Variants in LRFN5 observed in about 807,000 individuals in gnomAD.
LRFN5 encodes the protein leucine-rich repeat and fibronectin type-III domain-containing protein 5.
In LRFN5, 24 loss-of-function variants were observed where a neutral mutation model predicts 45.6. That is an observed-to-expected ratio of 0.53 (90% confidence interval 0.38 to 0.74). The LOEUF (loss-of-function observed/expected upper bound fraction) is 0.74. LRFN5 is among the 30% of genes least tolerant of loss of function. The pLI, the probability that LRFN5 is intolerant of heterozygous loss-of-function variation, is 0.00. For missense variants in LRFN5, 776 were observed against 861.5 expected, an observed-to-expected ratio of 0.90 and a Z score of 1.24; for synonymous variants, 340 against 313.8, an observed-to-expected ratio of 1.08 and a Z score of -0.88.
At chr14:41,730,027 G>A (rs1884100624) in intron 1 of LRFN5, among the ~76,000 whole-genome samples, 1 of 151,924 alleles carries the variant, frequency 6.6e-6, no homozygotes, top group African/African-American at 2.4e-5. Context: ...AACATTAGAA[G>A]TAATGTTCTG....
chr14:41,613,115 A>G (rs1056863484), intron 1 of LRFN5, among the ~76,000 whole-genome samples: 3 of 152,142 alleles, frequency 2.0e-5, no homozygotes, highest in African/African-American at 7.2e-5. Flanking sequence ...AAACCACATG[A>G]AAAGGATTTA....
chr14:41,860,301 T>C (rs1889615870), intron 2 of LRFN5, among the ~76,000 whole-genome samples: 2 of 152,194 alleles, frequency 1.3e-5, no homozygotes, highest in Admixed American at 1.3e-4. Flanking sequence ...ATTTGCTTTA[T>C]TTATAAGATA....
Position 41,904,428 on chromosome 14 carries a change from AG to A in LRFN5, c.*254del. Reference sequence around the variant, plus strand: ...TATTTTTTTTTTAAAAAAGAAAAAAAGCCTACATTGGCATCAAGTTCTGTAT... The same window carrying A: ...TATTTTTTTTTTAAAAAAGAAAAAAACCTACATTGGCATCAAGTTCTGTAT... On this transcript the variant is annotated 3_prime_UTR_variant, in exon 6 of 6. Coordinates refer to ENST00000298119, the MANE Select transcript of LRFN5 (RefSeq NM_152447.5). The A allele has an allele frequency of 2.3e-6, 1 of 426,998 alleles. No homozygotes were observed. The highest frequency in any genetic ancestry group is 4.1e-6 in the Non-Finnish European group (1 of 242,554). The allele number at this position is 426,998 out of a possible 1,614,324, so 26.5% of individuals were successfully genotyped here. A position where few individuals can be genotyped will look rare whatever the true frequency, so the allele number is the denominator to read the frequency against.
At chr14:41,684,453 C>T (rs948423226) in intron 1 of LRFN5, among the ~76,000 whole-genome samples, 2 of 152,114 alleles carry the variant, frequency 1.3e-5, no homozygotes, top group African/African-American at 4.8e-5. Flanking sequence ...AGAATGAACA[C>T]AGGAGGAACT....
rs1329957162 is a variant in LRFN5 at position 41,708,749 on chromosome 14, AT to A, written c.-196-58102del. Among the ~76,000 whole-genome samples, 21 of 148,164 alleles carry A rather than the reference AT, an allele frequency of 1.4e-4. No homozygotes were observed. The East Asian group carries it at 4.2e-3, about 30-fold the overall frequency. On this transcript the variant is annotated intron_variant, in intron 1 of 5. Transcript: ENST00000298119. ...TTTTTTACGTTTTGTTATTGATTGT[AT>A]TTCCTGTGGACTAGTAGCTAGATAC...
At chr14:41,635,449 A>C (rs1004823906) in intron 1 of LRFN5, among the ~76,000 whole-genome samples, 6 of 152,176 alleles carry the variant, frequency 3.9e-5, no homozygotes, top group Non-Finnish European at 8.8e-5. Context: ...AAGTTAATAC[A>C]TGTAGTCAAA....
chr14:41,784,198 G>A (rs1019490683), intron 2 of LRFN5, among the ~76,000 whole-genome samples: 3 of 151,942 alleles, frequency 2.0e-5, no homozygotes, highest in Non-Finnish European at 4.4e-5. Context: ...TCAGAGTATA[G>A]CAGTGAAGTG....
intron 1 of LRFN5, among the ~76,000 whole-genome samples, chr14:41,722,907 C>A (rs1175725114): frequency 6.6e-6 from 1 of 152,178 alleles, no homozygotes; most frequent in Admixed American, 6.5e-5. Flanking sequence ...CCTACAGTTT[C>A]CCTGCTGGCA....
At chr14:41,713,245 G>C (rs886277843) in intron 1 of LRFN5, among the ~76,000 whole-genome samples, 2 of 152,040 alleles carry the variant, frequency 1.3e-5, no homozygotes, top group Non-Finnish European at 2.9e-5. Flanking sequence ...CAGTCTGTTA[G>C]TAATTTCAAA....
chr14:41,639,076 C>T (rs1879440067), intron 1 of LRFN5, among the ~76,000 whole-genome samples: 2 of 151,994 alleles, frequency 1.3e-5, no homozygotes, highest in Middle Eastern at 3.4e-3. Flanking sequence ...AGAAATGGAG[C>T]TAGAGTCTTA....
intron 2 of LRFN5, among the ~76,000 whole-genome samples, chr14:41,848,380 GA>G (rs1178188933): frequency 6.6e-6 from 1 of 151,834 alleles, no homozygotes; most frequent in Non-Finnish European, 1.5e-5. Context: ...ACAGGAAAAA[GA>G]AAAAAGTAAA....
At chr14:41,802,628 G>T (rs1440535342) in intron 2 of LRFN5, among the ~76,000 whole-genome samples, 1 of 152,136 alleles carries the variant, frequency 6.6e-6, no homozygotes, top group Admixed American at 6.6e-5. Context: ...AATTTTCTTA[G>T]CCCAGAGTTT....
At chr14:41,788,438 A>G (rs1315095107) in intron 2 of LRFN5, among the ~76,000 whole-genome samples, 1 of 152,126 alleles carries the variant, frequency 6.6e-6, no homozygotes, top group Non-Finnish European at 1.5e-5. Flanking sequence ...GTGAGGCCAG[A>G]TATGGCGTAA....
At chr14:41,725,754 T>C (rs1415039006) in intron 1 of LRFN5, among the ~76,000 whole-genome samples, 1 of 152,184 alleles carries the variant, frequency 6.6e-6, no homozygotes, top group Admixed American at 6.5e-5. Context: ...TCATGAAGTC[T>C]TTTAAGATCT....
At chr14:41,695,348 T>C (rs1016819415) in intron 1 of LRFN5, among the ~76,000 whole-genome samples, 18 of 151,994 alleles carry the variant, frequency 1.2e-4, no homozygotes, top group African/African-American at 4.3e-4. Context: ...CAACAAGTTA[T>C]GCAGAAGACC....
intron 1 of LRFN5, among the ~76,000 whole-genome samples, chr14:41,617,098 C>A (rs1887952393): frequency 6.6e-6 from 1 of 152,080 alleles, no homozygotes; most frequent in South Asian, 2.1e-4. Context: ...AAGGCTTCAT[C>A]CTCTGGGACA....
At chr14:41,635,150 G>T (rs1238258860) in intron 1 of LRFN5, among the ~76,000 whole-genome samples, 1 of 151,876 alleles carries the variant, frequency 6.6e-6, no homozygotes, top group Non-Finnish European at 1.5e-5. Context: ...CATCATTTTT[G>T]ATTTATAGTG....
intron 4 of LRFN5, chr14:41,893,797 A>G (rs188028391): frequency 1.0e-6 from 1 of 985,330 alleles, no homozygotes; most frequent in Non-Finnish European, 1.2e-6. Flanking sequence ...CGTTTGCTAA[A>G]TCCCTTCTCT....
chr14:41,656,491 C>T (rs1051937424), intron 1 of LRFN5, among the ~76,000 whole-genome samples: 1 of 151,776 alleles, frequency 6.6e-6, no homozygotes, highest in Admixed American at 6.6e-5. Flanking sequence ...CTTTATTGAG[C>T]CACTTTTTAA....
Sources: allele counts gnomAD v4.1 joint callset (sites outside exome capture counted in the v4.1 genomes callset), GRCh38; gene constraint gnomAD v4.1.1; transcripts MANE v1.5; gene names NCBI Gene and HGNC (gene_info 2026-07-23, HGNC 2026-07-21).